SYNDIG1: variants seen among roughly 807,000 people sequenced by gnomAD.
The protein encoded by SYNDIG1 is synapse differentiation inducing 1.
Under a neutral mutation model 19.4 loss-of-function variants are expected in SYNDIG1, and 9 were observed. The ratio of observed to expected loss-of-function variants is 0.46; its 90% CI spans 0.28 to 0.81. The LOEUF (loss-of-function observed/expected upper bound fraction) is 0.81. SYNDIG1 is among the 30% of genes least tolerant of loss of function. The pLI, the probability that SYNDIG1 is intolerant of heterozygous loss-of-function variation, is 0.12. For synonymous variants in SYNDIG1, 141 were observed against 145.9 expected (o/e 0.97, Z 0.24); for missense variants, 311 against 343.3 (o/e 0.91, Z 0.74).
chr20:24,627,389 A>G (rs1252065500), intron 3 of SYNDIG1, among the ~76,000 whole-genome samples: 5 of 152,148 alleles, frequency 3.3e-5, no homozygotes, highest in Non-Finnish European at 7.4e-5. Context: ...GGAAAACTTG[A>G]ATGAAAAACT....
intron 3 of SYNDIG1, among the ~76,000 whole-genome samples, chr20:24,653,693 G>A (rs983922988): frequency 2.6e-5 from 4 of 152,222 alleles, no homozygotes; most frequent in African/African-American, 9.6e-5. Context: ...TTCTAGGGCT[G>A]CCATAACAAA....
intron 2 of SYNDIG1, among the ~76,000 whole-genome samples, chr20:24,545,287 C>G (rs1312188542): frequency 6.6e-6 from 1 of 152,284 alleles, no homozygotes; most frequent in Middle Eastern, 3.4e-3. Flanking sequence ...TGCGCAGGCC[C>G]CAATGCCCTC....
intron 1 of SYNDIG1, among the ~76,000 whole-genome samples, chr20:24,476,668 TA>T (rs576871595): frequency 6.8e-4 from 96 of 141,118 alleles, no homozygotes; most frequent in Non-Finnish European, 4.8e-4. Flanking sequence ...AGACTCCAAC[TA>T]AAAAAAAAAC....
intron 3 of SYNDIG1, among the ~76,000 whole-genome samples, chr20:24,613,647 C>CCT (rs1244272813): frequency 6.6e-6 from 1 of 152,120 alleles, no homozygotes; most frequent in African/African-American, 2.4e-5. Context: ...GCCAGGAACC[C>CCT]CTGCTCAGCC....
intron 1 of SYNDIG1, among the ~76,000 whole-genome samples, chr20:24,515,784 A>T (rs538213099): frequency 1.6e-4 from 25 of 152,366 alleles, no homozygotes; most frequent in African/African-American, 5.8e-4. Flanking sequence ...TATAGATTCA[A>T]TGCCATCCCC....
intron 2 of SYNDIG1, among the ~76,000 whole-genome samples, chr20:24,574,079 C>A (rs1019621334): frequency 1.3e-5 from 2 of 152,158 alleles, no homozygotes; most frequent in African/African-American, 2.4e-5. Flanking sequence ...AGCCTCCAGG[C>A]TCCCACTTCT....
chr20:24,512,546 C>G (rs2056771549), intron 1 of SYNDIG1, among the ~76,000 whole-genome samples: 1 of 152,004 alleles, frequency 6.6e-6, no homozygotes, highest in Non-Finnish European at 1.5e-5. Flanking sequence ...TCATTGCTAG[C>G]ACAGTAGTCT....
intron 1 of SYNDIG1, chr20:24,491,830 C>T (rs1000084216): frequency 2.6e-5 from 4 of 152,228 alleles, no homozygotes. Flanking sequence ...TTGTGTCATG[C>T]ACTTTCTGGG....
intron 3 of SYNDIG1, among the ~76,000 whole-genome samples, chr20:24,628,244 G>T (rs548592292): frequency 6.6e-6 from 1 of 152,294 alleles, no homozygotes; most frequent in East Asian, 1.9e-4. Context: ...CAGAGCCTGC[G>T]TGCCGTTAAG....
chr20:24,601,259 CGAGA>C (rs1179035782), intron 3 of SYNDIG1, among the ~76,000 whole-genome samples: 4 of 152,052 alleles, frequency 2.6e-5, no homozygotes, highest in African/African-American at 9.7e-5. Context: ...TTTCTGTTTA[CGAGA>C]GAGATTGATG....
chr20:24,651,919 G>A (rs1448270720), intron 3 of SYNDIG1, among the ~76,000 whole-genome samples: 2 of 152,228 alleles, frequency 1.3e-5, no homozygotes, highest in Non-Finnish European at 2.9e-5. Context: ...TGTGAGTGGA[G>A]CCATCTCAGG....
At chr20:24,580,398 C>CTTTG (rs201589200) in intron 2 of SYNDIG1, among the ~76,000 whole-genome samples, 4,567 of 151,938 alleles carry the variant, frequency 0.03, 162 homozygotes, top group African/African-American at 0.089. Context: ...TTTGTCTGAG[C>CTTTG]TTTGTTTGTT....
intron 2 of SYNDIG1, among the ~76,000 whole-genome samples, chr20:24,584,106 C>G (rs1036450764): frequency 6.6e-6 from 1 of 152,154 alleles, no homozygotes; most frequent in African/African-American, 2.4e-5. Flanking sequence ...CCCAGCACAC[C>G]CCTTCTCCAT....
intron 1 of SYNDIG1, among the ~76,000 whole-genome samples, chr20:24,486,191 T>C (rs955970754): frequency 6.6e-6 from 1 of 152,084 alleles, no homozygotes; most frequent in African/African-American, 2.4e-5. Flanking sequence ...AAAAGAAAAG[T>C]CAGTGGTTTG....
At chr20:24,496,010 A>G (rs1174256046) in intron 1 of SYNDIG1, among the ~76,000 whole-genome samples, 1 of 151,856 alleles carries the variant, frequency 6.6e-6, no homozygotes, top group East Asian at 1.9e-4. Context: ...ACGCCTGGCT[A>G]ATTTTTTGTT....
At chr20:24,642,716 C>T (rs1031645042) in intron 3 of SYNDIG1, among the ~76,000 whole-genome samples, 2 of 151,940 alleles carry the variant, frequency 1.3e-5, no homozygotes, top group Non-Finnish European at 2.9e-5. Context: ...TTTTGAAGCA[C>T]TTTCTTACAT....
At chr20:24,541,369 A>G (rs183437099) in intron 1 of SYNDIG1, among the ~76,000 whole-genome samples, 1 of 152,322 alleles carries the variant, frequency 6.6e-6, no homozygotes, top group East Asian at 1.9e-4. Context: ...GATATTCACC[A>G]CGACTCATGG....
intron 3 of SYNDIG1, among the ~76,000 whole-genome samples, chr20:24,587,892 ACAGT>A (rs1273180247): frequency 1.3e-5 from 2 of 152,216 alleles, no homozygotes; most frequent in Non-Finnish European, 1.5e-5. Flanking sequence ...GTACTCACTG[ACAGT>A]CAGGCTGTGT....
intron 1 of SYNDIG1, among the ~76,000 whole-genome samples, chr20:24,520,334 T>C (rs2056977732): frequency 1.3e-5 from 2 of 152,012 alleles, no homozygotes; most frequent in South Asian, 4.1e-4. Context: ...TTGTAGATTG[T>C]AATCAGAATT....
Sources: allele counts gnomAD v4.1 joint callset (sites outside exome capture counted in the v4.1 genomes callset), GRCh38; gene constraint gnomAD v4.1.1; transcripts MANE v1.5; gene names NCBI Gene and HGNC (gene_info 2026-07-23, HGNC 2026-07-21).